Variants in FUT9 observed in about 807,000 individuals in gnomAD.
FUT9 encodes fucosyltransferase 9.
A neutral mutation model predicts 29.7 loss-of-function variants in FUT9; 15 were observed. The ratio of observed to expected loss-of-function variants is 0.51; its 90% CI spans 0.34 to 0.78. The LOEUF (loss-of-function observed/expected upper bound fraction) is 0.78, where lower values mean the gene tolerates loss of function less well. Ranked by LOEUF, FUT9 falls within the 30% of genes least tolerant of loss-of-function variation. FUT9 has a pLI of 0.01. For synonymous variants in FUT9, 169 were observed against 153.7 expected (o/e 1.10, Z -0.74); for missense variants, 319 against 425.4 (o/e 0.75, Z 2.20).
intron 2 of FUT9, among the ~76,000 whole-genome samples, chr6:96,167,350 T>A (rs1038096893): frequency 3.9e-5 from 6 of 152,078 alleles, no homozygotes; most frequent in African/African-American, 1.4e-4. Flanking sequence ...AAGCCAATAA[T>A]GAGCAAAGAT....
chr6:96,061,384 CTTCT>C (rs1562112269), intron 1 of FUT9, among the ~76,000 whole-genome samples: 2 of 150,434 alleles, frequency 1.3e-5, no homozygotes, highest in South Asian at 4.3e-4. Flanking sequence ...TAAGTCTTCT[CTTCT>C]TTATTTGTTT....
chr6:96,171,144 A>G (rs1773105458), intron 2 of FUT9, among the ~76,000 whole-genome samples: 1 of 152,206 alleles, frequency 6.6e-6, no homozygotes, highest in Admixed American at 6.5e-5. Context: ...TCAAGTTGGC[A>G]ACCAAACAGG....
chr6:96,089,162 G>A (rs1042089346), intron 1 of FUT9, among the ~76,000 whole-genome samples: 34 of 152,058 alleles, frequency 2.2e-4, no homozygotes, highest in African/African-American at 8.2e-4. Context: ...TCTTCATTTT[G>A]GTAGTTTTGT....
At chr6:96,178,249 T>C (rs1480600716) in intron 2 of FUT9, among the ~76,000 whole-genome samples, 2 of 152,208 alleles carry the variant, frequency 1.3e-5, no homozygotes, top group Admixed American at 6.5e-5. Flanking sequence ...GTTTAAGTTT[T>C]AATCCTAACC....
intron 2 of FUT9, among the ~76,000 whole-genome samples, chr6:96,118,717 AT>A (rs1234316679): frequency 6.6e-6 from 1 of 152,174 alleles, no homozygotes; most frequent in East Asian, 1.9e-4. Flanking sequence ...AGGGATTGTT[AT>A]CATAGGAGAT....
chr6:96,171,499 A>G (rs532021963), intron 2 of FUT9, among the ~76,000 whole-genome samples: 1 of 152,210 alleles, frequency 6.6e-6, no homozygotes, highest in East Asian at 1.9e-4. Flanking sequence ...GAAATGGGAC[A>G]CAATAGTTGT....
chr6:96,038,305 A>G (rs1365882689), intron 1 of FUT9, among the ~76,000 whole-genome samples: 2 of 152,132 alleles, frequency 1.3e-5, no homozygotes, highest in East Asian at 3.9e-4. Context: ...ATTCACTGCA[A>G]TCTTGGAATC....
At chr6:96,113,025 G>A (rs879669946) in intron 1 of FUT9, among the ~76,000 whole-genome samples, 3 of 152,030 alleles carry the variant, frequency 2.0e-5, no homozygotes, top group Admixed American at 6.6e-5. Context: ...ATATTTCTAA[G>A]CATTCAGATA....
chr6:96,155,951 T>G (rs1338998902), intron 2 of FUT9, among the ~76,000 whole-genome samples: 1 of 152,222 alleles, frequency 6.6e-6, no homozygotes, highest in East Asian at 1.9e-4. Flanking sequence ...GAATGGTGGT[T>G]TGTTTGCTTT....
intron 1 of FUT9, among the ~76,000 whole-genome samples, chr6:96,036,085 AAATAT>A (rs1770361135): frequency 1.4e-5 from 2 of 142,848 alleles, no homozygotes; most frequent in African/African-American, 2.5e-5. Flanking sequence ...ATTATAATTA[AAATAT>A]AATATAATAT....
In FUT9 at chr6:96,047,141, T is replaced by C. The variant is rs949727168; in HGVS notation, c.-98+30929T>C. 7.2e-5 allele frequency among the ~76,000 whole-genome samples: 11 copies of C among 152,302 alleles called. No homozygotes were observed. The South Asian group carries it at 2.1e-3, about 29-fold the overall frequency. On this transcript the variant is annotated intron_variant, in intron 1 of 2. Transcript: ENST00000302103. Reference sequence around the variant, plus strand: ...GGAGCCCCATTGAAGAATAGGAAATTACAAATACAACATGTCCTCACAGTG... The same window carrying C: ...GGAGCCCCATTGAAGAATAGGAAATCACAAATACAACATGTCCTCACAGTG...
chr6:96,022,884 T>C (rs530647845), intron 1 of FUT9, among the ~76,000 whole-genome samples: 1 of 151,814 alleles, frequency 6.6e-6, no homozygotes, highest in Non-Finnish European at 1.5e-5. Context: ...ATATCCTGTA[T>C]GTTAAGGAGG....
intron 2 of FUT9, among the ~76,000 whole-genome samples, chr6:96,170,550 AC>A (rs1773093787): frequency 2.0e-5 from 2 of 101,410 alleles, no homozygotes; most frequent in Non-Finnish European, 4.9e-5. Context: ...TCCCTTTCAC[AC>A]ACACACACAC....
At chr6:96,103,004 G>A (rs1166256455) in intron 1 of FUT9, among the ~76,000 whole-genome samples, 1 of 152,138 alleles carries the variant, frequency 6.6e-6, no homozygotes, top group Non-Finnish European at 1.5e-5. Context: ...GAGAGTGGTA[G>A]GCAGGTCCAG....
rs1467739271 is a variant in FUT9, at chr6:96,209,696, T to C, written c.*5461T>C. 130 of 166,764 alleles carry C rather than the reference T, an allele frequency of 7.8e-4. No individual in the cohort carries two copies. 10.3% of individuals were successfully genotyped at this position (166,764 alleles called of 1,614,324 possible). ...TTTTTTAGCTCATAGTTAACATATGTCCATGCATTTGATTTACTTTAAAAA... is the reference window on the plus strand; with the variant it reads ...TTTTTTAGCTCATAGTTAACATATGCCCATGCATTTGATTTACTTTAAAAA... On this transcript the variant is annotated 3_prime_UTR_variant, in exon 3 of 3. Transcript: ENST00000302103.
chr6:96,114,933 C>T (rs1223339006), intron 2 of FUT9, among the ~76,000 whole-genome samples: 1 of 152,148 alleles, frequency 6.6e-6, no homozygotes, highest in Non-Finnish European at 1.5e-5. Context: ...TCAGGAGATG[C>T]TGTTCCCTAA....
chr6:96,019,623 C>T (rs1212716722), intron 1 of FUT9, among the ~76,000 whole-genome samples: 1 of 151,976 alleles, frequency 6.6e-6, no homozygotes, highest in East Asian at 1.9e-4. Context: ...TACAACAATG[C>T]TATAAAGTGA....
At position 96,097,885 on chromosome 6, in the gene FUT9, A is replaced by G. The variant is rs921518302; in HGVS notation, c.-97-16154A>G. Among the ~76,000 whole-genome samples, 41 of 152,098 alleles carry G rather than the reference A, an allele frequency of 2.7e-4. 1 individual carries two copies. The highest frequency in any genetic ancestry group is 9.7e-4 in the African/African-American group (40 of 41,408). On this transcript the variant is annotated intron_variant, in intron 1 of 2. Coordinates refer to ENST00000302103, the MANE Select transcript of FUT9 (RefSeq NM_006581.4). ...AATCATCATTTATTTTAAGAAAGTC[A>G]CCTTCATATAAAAAGGCAAAGATAC...
chr6:96,032,911 G>A (rs1770289010), intron 1 of FUT9, among the ~76,000 whole-genome samples: 1 of 151,586 alleles, frequency 6.6e-6, no homozygotes, highest in South Asian at 2.1e-4. Flanking sequence ...GGAACAGTAC[G>A]TGTTATTAGA....
Sources: allele counts gnomAD v4.1 joint callset (sites outside exome capture counted in the v4.1 genomes callset), GRCh38; gene constraint gnomAD v4.1.1; transcripts MANE v1.5; gene names NCBI Gene and HGNC (gene_info 2026-07-23, HGNC 2026-07-21).